Variants in LPCAT4 observed in about 807,000 individuals in gnomAD.
LPCAT4 encodes lysophosphatidylcholine acyltransferase 4.
LPCAT4 carries 30 observed loss-of-function variants against 66.5 expected under a neutral mutation model. The observed-to-expected ratio is 0.45, with a 90% CI of 0.34 to 0.61. The LOEUF (loss-of-function observed/expected upper bound fraction) is 0.61, where lower values mean the gene tolerates loss of function less well. Among genes scored for constraint, LPCAT4 ranks in the 20% least tolerant of loss-of-function variants. The pLI, the probability that LPCAT4 is intolerant of heterozygous loss-of-function variation, is 0.01. For synonymous variants in LPCAT4, 253 were observed against 262.1 expected (o/e 0.97, Z 0.34); for missense variants, 557 against 656.7 (o/e 0.85, Z 1.66).
In LPCAT4 at chr15:34,362,296, A is replaced by G; in HGVS notation, c.910T>C (p.Cys304Arg). 1 of 1,614,082 alleles carries G rather than the reference A, an allele frequency of 6.2e-7. No individual in the cohort carries two copies. Among genetic ancestry groups the G allele is most frequent in the Non-Finnish European group, 8.5e-7 (1 of 1,180,016 alleles). Residue 304 changes from cysteine (C) to arginine (R), a missense_variant, in exon 10 of 14, where the codon TGT becomes CGT. Physicochemically the swap from Cys to Arg is radical, Grantham distance 180. Transcript: ENST00000314891. ...AQALGIPATE[C>R]EFVGSLPVIV... ...ACAGGTAAGCTCCCTACAAACTCAC[A>G]TTCGGTGGCTGGAATGCCCAGAGCC...
Position 34,363,717 on chromosome 15 carries a change from C to G in LPCAT4, c.655G>C (p.Ala219Pro). 2 of 1,614,088 alleles carry G rather than the reference C, an allele frequency of 1.2e-6. No homozygotes were observed. The highest frequency in any genetic ancestry group is 1.7e-6 in the Non-Finnish European group (2 of 1,180,020). ...KKALLKFKPG[A>P]FIAGVPVQPV... ...TGCACAGGCACCCCTGCGATGAAGG[C>G]TCCTAAATCCCATTTCCACCCCCAC... is the stretch of plus-strand genomic sequence containing the variant. Residue 219 changes from alanine (A) to proline (P), a missense_variant and splice_region_variant, in exon 6 of 14, where the codon GCC becomes CCC. Transcript: ENST00000314891. This position sits in a 1 kb window ranked among gnomAD's most constrained non-coding sequence, Gnocchi z 4.3.
chr15:34,358,980 AT>A lies in LPCAT4; in HGVS notation c.*146del. On this transcript the variant is annotated 3_prime_UTR_variant, in exon 14 of 14. Transcript: ENST00000314891. ...ATATAAAATAGTTTTTTACAAAAAA[AT>A]CAACCAAACAAAAAATTAAAATCAA... 1 of 535,948 alleles carries A rather than the reference AT, an allele frequency of 1.9e-6. No homozygotes were observed. Among genetic ancestry groups the A allele is most frequent in the Middle Eastern group, 5.5e-4 (1 of 1,826 alleles). 33.2% of individuals were successfully genotyped at this position (535,948 alleles called of 1,614,324 possible). A position where few individuals can be genotyped will look rare whatever the true frequency, so the allele number is the denominator to read the frequency against.
intron 11 of LPCAT4, chr15:34,361,139 A>C (rs138034340): frequency 1.6e-6 from 2 of 1,262,850 alleles, no homozygotes; most frequent in East Asian, 3.8e-5. Flanking sequence ...GCCACTCTCT[A>C]AAGTGGTTTC....
At chr15:34,364,374 T>C in intron 3 of LPCAT4, 68 bp from the exon 4 acceptor site, 1 of 868,562 alleles carries the variant, frequency 1.2e-6, no homozygotes, top group Non-Finnish European at 1.9e-6. Flanking sequence ...ATCTGCAGCC[T>C]CCACTTCCTC....
rs1202102789 is a variant in LPCAT4 at position 34,363,203 on chromosome 15, C to T, written c.746+219G>A. Among the ~76,000 whole-genome samples, 1 of 152,176 alleles carries T rather than the reference C, an allele frequency of 6.6e-6. No individual in the cohort carries two copies. Among genetic ancestry groups the T allele is most frequent in the Non-Finnish European group, 1.5e-5 (1 of 68,024 alleles). ...GAAACATGGGAAGATAAATGCATAG[C>T]AGCCATAATCACAGCAGGAACAGTT... is the stretch of plus-strand genomic sequence containing the variant. On this transcript the variant is annotated intron_variant, in intron 7 of 13. Coordinates refer to ENST00000314891, the MANE Select transcript of LPCAT4 (RefSeq NM_153613.3). The surrounding 1 kb of genome is among the most constrained non-coding windows in gnomAD (Gnocchi z 4.3).
At chr15:34,365,336 G>T in intron 2 of LPCAT4, 108 bp from the exon 3 acceptor site, 1 of 1,285,504 alleles carries the variant, frequency 7.8e-7, no homozygotes, top group Non-Finnish European at 1.1e-6. Flanking sequence ...CCTTAAATAG[G>T]ATGTGACCAA....
intron 3 of LPCAT4, 86 bp from the exon 4 acceptor site, chr15:34,364,392 T>C: frequency 1.3e-6 from 1 of 759,178 alleles, no homozygotes; most frequent in Non-Finnish European, 2.2e-6. Flanking sequence ...CTCAACAGCA[T>C]GAGAAGTTTC....
Position 34,363,781 on chromosome 15 carries a change from G to A in LPCAT4, c.653-62C>T. ...AGGTTAGTACACAGAAGTAGCTAGA[G>A]GGCATGAGGTATGGCAGTCTGGGAC... On this transcript the variant is annotated intron_variant, in intron 5 of 13. Coordinates refer to ENST00000314891, the MANE Select transcript of LPCAT4 (RefSeq NM_153613.3). This position sits in a 1 kb window ranked among gnomAD's most constrained non-coding sequence, Gnocchi z 4.3. 6.3e-7 allele frequency: 1 copy of A among 1,580,486 alleles called. No homozygotes were observed. The highest frequency in any genetic ancestry group is 1.7e-5 in the Admixed American group (1 of 59,946).
In LPCAT4 at chr15:34,364,136, G is replaced by T. The variant is rs1002215330; in HGVS notation, c.591+58C>A. 3.1e-6 allele frequency: 5 copies of T among 1,592,076 alleles called. No individual in the cohort carries two copies. The Admixed American group carries it at 8.3e-5, about 27-fold the overall frequency. On this transcript the variant is annotated intron_variant, in intron 4 of 13. Coordinates refer to ENST00000314891, the MANE Select transcript of LPCAT4 (RefSeq NM_153613.3). Reference sequence around the variant, plus strand: ...GAAGAAGGCTGTGGAGAGAGGAAAGGGAAGCCTCTTCAGGAGCACATGGAA... The same window carrying T: ...GAAGAAGGCTGTGGAGAGAGGAAAGTGAAGCCTCTTCAGGAGCACATGGAA...
chr15:34,362,980 A>G lies in LPCAT4; in HGVS notation c.747-144T>C. 3 of 774,532 alleles carry G rather than the reference A, an allele frequency of 3.9e-6. No individual in the cohort carries two copies. In the South Asian group the frequency reaches 4.7e-5, roughly 12 times the overall value. 48.0% of individuals were successfully genotyped at this position (774,532 alleles called of 1,614,324 possible). A position where few individuals can be genotyped will look rare whatever the true frequency, so the allele number is the denominator to read the frequency against. Reference sequence around the variant, plus strand: ...ATAATAGGGACAGACTCCTAGCCATACAGTCAGGTGGGTGAATATGCAGTT... The same window carrying G: ...ATAATAGGGACAGACTCCTAGCCATGCAGTCAGGTGGGTGAATATGCAGTT... On this transcript the variant is annotated intron_variant, in intron 7 of 13. Coordinates refer to ENST00000314891, the MANE Select transcript of LPCAT4 (RefSeq NM_153613.3).
At chr15:34,361,186 T>C (rs1890933670) in intron 11 of LPCAT4, 1 of 1,416,276 alleles carries the variant, frequency 7.1e-7, no homozygotes, top group South Asian at 1.5e-5. Flanking sequence ...TTCTCCCTTG[T>C]TCCTCCTCAT....
At chr15:34,366,038 G>A (rs1030955058) in intron 1 of LPCAT4, 2 of 224,968 alleles carry the variant, frequency 8.9e-6, no homozygotes, top group African/African-American at 4.5e-5. Flanking sequence ...TTGATGTACA[G>A]TAGGTTAGAG....
intron 9 of LPCAT4, 99 bp downstream of exon 9, chr15:34,362,474 T>C: frequency 4.3e-6 from 6 of 1,403,460 alleles, no homozygotes; most frequent in Non-Finnish European, 4.9e-6. Flanking sequence ...TCCCACTGCC[T>C]GCTCCTCGAT....
chr15:34,359,640 C>G lies in LPCAT4; in HGVS notation c.1348G>C (p.Ala450Pro). 1 of 1,613,548 alleles carries G rather than the reference C, an allele frequency of 6.2e-7. No individual in the cohort carries two copies. Among genetic ancestry groups the G allele is most frequent in the South Asian group, 1.1e-5 (1 of 91,030 alleles). ...GCCTGGCACAGCTCAGCATGCAAAG[C>G]TGTGGCAGCAGGGTGGGGTGAACCC... ...LLGSPHPAAT[A>P]LHAELCQAGS... The change falls in exon 13 of 14, where the codon GCT (alanine) becomes CCT (proline). Residue 450 changes from alanine to proline, a missense_variant. Ala to Pro is a conservative substitution (Grantham distance 27). Transcript: ENST00000314891.
intron 1 of LPCAT4, 73 bp from the exon 2 acceptor site, chr15:34,365,774 G>T: frequency 6.5e-7 from 1 of 1,544,410 alleles, no homozygotes; most frequent in Non-Finnish European, 8.8e-7. Context: ...CTTCCACAAA[G>T]CATAGACCCA....
intron 1 of LPCAT4, among the ~76,000 whole-genome samples, chr15:34,366,732 C>T (rs1225848758): frequency 6.6e-6 from 1 of 151,854 alleles, no homozygotes; most frequent in African/African-American, 2.4e-5. Flanking sequence ...CCCAGGGTCC[C>T]CTGCAGCCCT....
chr15:34,362,451 G>A, intron 9 of LPCAT4, 122 bp downstream of exon 9: 1 of 1,416,812 alleles, frequency 7.1e-7, no homozygotes, highest in Non-Finnish European at 9.7e-7. Context: ...TGTCTCAGCT[G>A]TTCAAGAGCC....
rs143597703 is a variant in LPCAT4, at chr15:34,361,483, T to C, written c.1060A>G (p.Met354Val). ...DAGAEPGRSR[M>V]ISQEEFARQL... ...CTGGCAAACTCTTCCTGGCTGATCA[T>C]TCGACTCCGGCCTGGCTCTGCCCCA... Residue 354 changes from methionine to valine, a missense_variant, in exon 11 of 14, where the codon ATG becomes GTG. By Grantham distance (21) the Met-to-Val change is conservative (BLOSUM62 1). This residue lies in a region of LPCAT4 where 392 missense variants were observed against 473.9 expected (regional missense o/e 0.83). Coordinates refer to ENST00000314891, the MANE Select transcript of LPCAT4 (RefSeq NM_153613.3). The C allele has an allele frequency of 5.7e-5, 92 of 1,614,132 alleles. No individual in the cohort carries two copies. The African/African-American group carries it at 1.1e-3, about 19-fold the overall frequency.
Position 34,363,336 on chromosome 15 carries a change from A to C in LPCAT4, c.746+86T>G. 7.0e-7 allele frequency: 1 copy of C among 1,427,232 alleles called. No homozygotes were observed. The allele number at this position is 1,427,232 out of a possible 1,614,324, so 88.4% of individuals were successfully genotyped here. A position where few individuals can be genotyped will look rare whatever the true frequency, so the allele number is the denominator to read the frequency against. ...GTCCTCAGATGAAGAAGGGCCATTCACCTTGTCGGGAGATTGGAAGATGGG... is the reference window on the plus strand; with the variant it reads ...GTCCTCAGATGAAGAAGGGCCATTCCCCTTGTCGGGAGATTGGAAGATGGG... On this transcript the variant is annotated intron_variant, in intron 7 of 13. Coordinates refer to ENST00000314891, the MANE Select transcript of LPCAT4 (RefSeq NM_153613.3). This position sits in a 1 kb window ranked among gnomAD's most constrained non-coding sequence, Gnocchi z 4.3.
Sources: allele counts gnomAD v4.1 joint callset (sites outside exome capture counted in the v4.1 genomes callset), GRCh38; gene constraint gnomAD v4.1.1; regional missense constraint gnomAD v4.1.1; non-coding constraint Gnocchi (gnomAD v3.1); transcripts MANE v1.5; gene names NCBI Gene and HGNC (gene_info 2026-07-23, HGNC 2026-07-21).